SPRY3: variants seen among roughly 807,000 people sequenced by gnomAD.
SPRY3 encodes the protein sprouty RTK signaling antagonist 3, also known as protein sprouty homolog 3.
In SPRY3, 15 loss-of-function variants were observed where a neutral mutation model predicts 20.2. That is an observed-to-expected ratio of 0.74 (90% confidence interval 0.50 to 1.14). The LOEUF is 1.14. Ranked by LOEUF, SPRY3 falls within the 50% of genes most tolerant of loss-of-function variation. The pLI is 0.00. For synonymous variants in SPRY3, 143 were observed against 136.5 expected, an observed-to-expected ratio of 1.05 and a Z score of -0.33; for missense variants, 364 against 363.9, an observed-to-expected ratio of 1.00 and a Z score of 0.00.
At chrX:155,774,544 A>G (rs1171564526) in exon 4 of SPRY3, 6 of 1,613,846 alleles carry the variant, frequency 3.7e-6, no homozygotes, top group African/African-American at 1.3e-5. Flanking sequence ...CTGGGCAGCC[A>G]TGAGCCTCAT....
intron 2 of SPRY3, among the ~76,000 whole-genome samples, chrX:155,740,089 C>T (rs1233328105): frequency 6.6e-6 from 1 of 152,146 alleles, no homozygotes; most frequent in Non-Finnish European, 1.5e-5. Flanking sequence ...ATGAAGATTT[C>T]ACTTTAATAT....
At chrX:155,725,133 G>T (rs1041117386) in intron 2 of SPRY3, among the ~76,000 whole-genome samples, 6 of 152,230 alleles carry the variant, frequency 3.9e-5, no homozygotes, top group African/African-American at 1.4e-4. Context: ...ATTGATTTGT[G>T]TATGTTGAAC....
intron 2 of SPRY3, among the ~76,000 whole-genome samples, chrX:155,719,674 C>A (rs1226746531): frequency 6.6e-6 from 1 of 152,040 alleles, no homozygotes; most frequent in Non-Finnish European, 1.5e-5. Context: ...GTCACAAGAC[C>A]CCTTTTCAGG....
chrX:155,616,128 CTCCT>C (rs2067851721), intron 1 of SPRY3, among the ~76,000 whole-genome samples: 1 of 48,144 alleles, frequency 2.1e-5, no homozygotes. Flanking sequence ...CTCTCTCTCT[CTCCT>C]CTCTCTCTCT....
chrX:155,774,524 G>A (rs2091408991), exon 4 of SPRY3: 1 of 1,613,976 alleles, frequency 6.2e-7, no homozygotes, highest in Non-Finnish European at 8.5e-7. Flanking sequence ...CCTAGTTCTT[G>A]CTTTGTCCGC....
At chrX:155,746,355 T>G (rs1388319005) in intron 2 of SPRY3, among the ~76,000 whole-genome samples, 1 of 152,034 alleles carries the variant, frequency 6.6e-6, no homozygotes, top group Non-Finnish European at 1.5e-5. Flanking sequence ...TTAGAAATTA[T>G]TCCAGTAGAG....
At chrX:155,659,148 T>TTTCC (rs2068002107) in intron 2 of SPRY3, among the ~76,000 whole-genome samples, 1 of 105,728 alleles carries the variant, frequency 9.5e-6, no homozygotes, top group Non-Finnish European at 1.9e-5. Flanking sequence ...TCTTTCTTTC[T>TTTCC]TTCTTTCTTT....
At chrX:155,732,898 G>A (rs2091143215) in intron 2 of SPRY3, among the ~76,000 whole-genome samples, 1 of 151,984 alleles carries the variant, frequency 6.6e-6, no homozygotes, top group African/African-American at 2.4e-5. Context: ...GCCAGGCACA[G>A]AAGGACAATC....
intron 1 of SPRY3, among the ~76,000 whole-genome samples, chrX:155,629,152 C>T (rs1419871414): frequency 8.7e-5 from 6 of 68,962 alleles, no homozygotes; most frequent in Non-Finnish European, 1.6e-4. Context: ...GCTATCCCTC[C>T]CCCCTCCCCC....
chrX:155,771,427 T>C (rs755309874), intron 3 of SPRY3, among the ~76,000 whole-genome samples: 1 of 152,288 alleles, frequency 6.6e-6, no homozygotes, highest in African/African-American at 2.4e-5. Context: ...TATAACTTCC[T>C]TTAAATTATT....
intron 1 of SPRY3, among the ~76,000 whole-genome samples, chrX:155,627,372 C>T (rs1264282031): frequency 1.2e-4 from 13 of 111,898 alleles, no homozygotes; most frequent in African/African-American, 3.9e-4. Flanking sequence ...ATAATGTCCT[C>T]CAGGTTCATC....
chrX:155,666,659 A>G (rs1281389196), intron 2 of SPRY3, among the ~76,000 whole-genome samples: 1 of 111,596 alleles, frequency 9.0e-6, no homozygotes, highest in Non-Finnish European at 1.9e-5. Context: ...AACGGAGGTA[A>G]AATATATTTG....
At chrX:155,718,348 G>A (rs999589303) in intron 2 of SPRY3, among the ~76,000 whole-genome samples, 1 of 152,070 alleles carries the variant, frequency 6.6e-6, no homozygotes, top group Non-Finnish European at 1.5e-5. Context: ...CTCCCAGATA[G>A]CACTGTGCCC....
chrX:155,735,240 A>G (rs1219330236), intron 2 of SPRY3, among the ~76,000 whole-genome samples: 5 of 151,842 alleles, frequency 3.3e-5, no homozygotes, highest in Admixed American at 3.3e-4. Flanking sequence ...ATTATTTTTA[A>G]TTTGTTAAGG....
chrX:155,621,401 G>A (rs1305984605), intron 1 of SPRY3, among the ~76,000 whole-genome samples: 1 of 111,024 alleles, frequency 9.0e-6, no homozygotes, highest in Admixed American at 9.6e-5. Flanking sequence ...TGTTGGTGAG[G>A]CAAGAACCCT....
chrX:155,729,029 T>A (rs1410955453), intron 2 of SPRY3, among the ~76,000 whole-genome samples: 2 of 152,102 alleles, frequency 1.3e-5, no homozygotes, highest in Non-Finnish European at 2.9e-5. Context: ...ATAACAATTT[T>A]AAATATATAC....
intron 2 of SPRY3, among the ~76,000 whole-genome samples, chrX:155,707,573 T>C: frequency 6.6e-6 from 1 of 151,270 alleles, no homozygotes. Context: ...TCTCTGCTGC[T>C]TTTTTCAATT....
exon 4 of SPRY3, chrX:155,774,280 G>A: frequency 1.2e-6 from 2 of 1,614,022 alleles, no homozygotes; most frequent in Non-Finnish European, 1.7e-6. Flanking sequence ...TGAGCAATCT[G>A]CAGGGCACCC....
intron 2 of SPRY3, among the ~76,000 whole-genome samples, chrX:155,683,811 G>A (rs1211811340): frequency 1.8e-5 from 2 of 112,120 alleles, no homozygotes; most frequent in African/African-American, 6.5e-5. Context: ...ATATACAGAA[G>A]GAGATGAGAG....
Sources: allele counts gnomAD v4.1 joint callset (sites outside exome capture counted in the v4.1 genomes callset), GRCh38; gene constraint gnomAD v4.1.1; transcripts MANE v1.5; gene names NCBI Gene and HGNC (gene_info 2026-07-23, HGNC 2026-07-21).